The following POLR3B variants were observed in gnomAD, a reference collection of about 807,000 sequenced individuals.
POLR3B encodes DNA-directed RNA polymerase III subunit RPC2.
A neutral mutation model predicts 147.4 loss-of-function variants in POLR3B; 96 were observed. The ratio of observed to expected loss-of-function variants is 0.65; its 90% CI spans 0.55 to 0.77. POLR3B has a LOEUF of 0.77. Ranked by LOEUF, POLR3B falls within the 30% of genes least tolerant of loss-of-function variation. The pLI, the probability that POLR3B is intolerant of heterozygous loss-of-function variation, is 0.00. For synonymous variants in POLR3B, 461 were observed against 485.9 expected, an observed-to-expected ratio of 0.95 and a Z score of 0.67; for missense variants, 1,036 against 1,413.5, an observed-to-expected ratio of 0.73 and a Z score of 4.28.
intron 23 of POLR3B, 150 bp downstream of exon 23, chr12:106,463,770 C>A: frequency 1.4e-6 from 1 of 707,078 alleles, no homozygotes; most frequent in Non-Finnish European, 2.4e-6. Context: ...CTTAGATTAA[C>A]CTGTTTATAT....
At chr12:106,440,567 C>CT (rs1039301361) in intron 18 of POLR3B, among the ~76,000 whole-genome samples, 14 of 152,178 alleles carry the variant, frequency 9.2e-5, no homozygotes, top group African/African-American at 3.4e-4. Flanking sequence ...CACCTTTGCA[C>CT]TGGCTGCTTC....
chr12:106,441,516 G>A (rs2037650973), intron 18 of POLR3B, among the ~76,000 whole-genome samples: 1 of 152,106 alleles, frequency 6.6e-6, no homozygotes, highest in South Asian at 2.1e-4. Context: ...CAAAGAAAAG[G>A]TATAGTAAAA....
chr12:106,380,004 G>A (rs925784056), intron 8 of POLR3B, 27 bp from the exon 9 acceptor site: 2 of 1,435,926 alleles, frequency 1.4e-6, no homozygotes, highest in African/African-American at 2.8e-5. Context: ...TGGGGATGCA[G>A]TTTAACCAAC....
At chr12:106,399,838 G>T (rs1263268978) in intron 10 of POLR3B, among the ~76,000 whole-genome samples, 1 of 152,148 alleles carries the variant, frequency 6.6e-6, no homozygotes, top group African/African-American at 2.4e-5. Flanking sequence ...CACTAAACTT[G>T]GAAAGGAACA....
chr12:106,374,920 C>T (rs986570360), intron 6 of POLR3B, among the ~76,000 whole-genome samples: 4 of 152,172 alleles, frequency 2.6e-5, no homozygotes, highest in Non-Finnish European at 4.4e-5. Flanking sequence ...CTTTGCTCAC[C>T]ATACATTTTT....
rs567939889 is a variant in POLR3B at position 106,436,218 on chromosome 12, G to A, written c.1782-839G>A. 5.9e-5 allele frequency among the ~76,000 whole-genome samples: 9 copies of A among 152,286 alleles called. No individual in the cohort carries two copies. In the South Asian group the frequency reaches 1.2e-3, roughly 21 times the overall value. ...AGTTATTTGGACTTTAGGGTAGAGCGCACAAGTGTCTGGTGGTTACTTGCT... is the reference window on the plus strand; with the variant it reads ...AGTTATTTGGACTTTAGGGTAGAGCACACAAGTGTCTGGTGGTTACTTGCT... On this transcript the variant is annotated intron_variant, in intron 16 of 27. Transcript: ENST00000228347.
intron 23 of POLR3B, among the ~76,000 whole-genome samples, chr12:106,490,780 C>T (rs2038397060): frequency 6.6e-6 from 1 of 152,218 alleles, no homozygotes; most frequent in African/African-American, 2.4e-5. Context: ...TATAAAGGCT[C>T]ATTGAGATGA....
intron 27 of POLR3B, among the ~76,000 whole-genome samples, chr12:106,507,185 C>T (rs1192287626): frequency 6.6e-6 from 1 of 152,096 alleles, no homozygotes; most frequent in Non-Finnish European, 1.5e-5. Flanking sequence ...AGTCATTTCT[C>T]GTGTGAAGCC....
chr12:106,454,571 C>G lies in POLR3B; in HGVS notation c.2153C>G (p.Pro718Arg). The G allele has an allele frequency of 6.2e-7, 1 of 1,609,962 alleles. No individual in the cohort carries two copies. ...TATCTACTAGCATATCCACAAAAACCCATGGTTAAGACAAAAACCATTGAA... is the reference window on the plus strand; with the variant it reads ...TATCTACTAGCATATCCACAAAAACGCATGGTTAAGACAAAAACCATTGAA... ...LMYLLAYPQKPMVKTKTIELI... is the reference protein window; with the variant it reads ...LMYLLAYPQKRMVKTKTIELI... The change falls in exon 20 of 28, where the codon CCC becomes CGC. Residue 718 changes from proline (P) to arginine (R), a missense_variant. Transcript: ENST00000228347.
intron 21 of POLR3B, among the ~76,000 whole-genome samples, chr12:106,458,619 G>A (rs915890147): frequency 6.6e-6 from 1 of 152,076 alleles, no homozygotes; most frequent in Non-Finnish European, 1.5e-5. Flanking sequence ...GCCTGTGGGC[G>A]GTGAATGCTT....
At chr12:106,387,693 T>C (rs1233920891) in intron 9 of POLR3B, among the ~76,000 whole-genome samples, 1 of 152,084 alleles carries the variant, frequency 6.6e-6, no homozygotes, top group Non-Finnish European at 1.5e-5. Flanking sequence ...CAGCATAGAG[T>C]ATTGGATATC....
intron 1 of POLR3B, among the ~76,000 whole-genome samples, chr12:106,363,220 C>T (rs2036491657): frequency 6.6e-6 from 1 of 152,214 alleles, no homozygotes; most frequent in South Asian, 2.1e-4. Flanking sequence ...TATCTCCAGG[C>T]CACTCCATTC....
chr12:106,445,411 G>A (rs1849297569), intron 19 of POLR3B, among the ~76,000 whole-genome samples: 1 of 152,106 alleles, frequency 6.6e-6, no homozygotes, highest in African/African-American at 2.4e-5. Flanking sequence ...GCTGAGTCTT[G>A]GAAGACTGAG....
At chr12:106,469,604 T>A (rs536234862) in intron 23 of POLR3B, among the ~76,000 whole-genome samples, 4 of 152,194 alleles carry the variant, frequency 2.6e-5, no homozygotes, top group Non-Finnish European at 5.9e-5. Context: ...TTCCTTTCCA[T>A]GTTTAGTGCT....
At chr12:106,386,322 GAC>G (rs1289791512) in intron 9 of POLR3B, among the ~76,000 whole-genome samples, 1 of 143,702 alleles carries the variant, frequency 7.0e-6, no homozygotes. Flanking sequence ...CAGCCTGGGT[GAC>G]AGAGGGAGAC....
intron 18 of POLR3B, 96 bp downstream of exon 18, chr12:106,437,875 T>C: frequency 1.3e-6 from 1 of 752,720 alleles, no homozygotes; most frequent in South Asian, 1.5e-5. Flanking sequence ...TATCTTTTAC[T>C]CTTTTGACAG....
chr12:106,477,777 G>A (rs762989278), intron 23 of POLR3B, among the ~76,000 whole-genome samples: 2 of 151,890 alleles, frequency 1.3e-5, no homozygotes, highest in Admixed American at 6.6e-5. Context: ...ACTCCCTACT[G>A]AGATGAACCC....
chr12:106,364,258 G>C (rs888050946), intron 2 of POLR3B, among the ~76,000 whole-genome samples: 2 of 152,228 alleles, frequency 1.3e-5, no homozygotes, highest in Non-Finnish European at 2.9e-5. Flanking sequence ...TGCAGAGAGC[G>C]TGGCTCAATC....
chr12:106,486,181 C>G (rs772666996), intron 23 of POLR3B, among the ~76,000 whole-genome samples: 1 of 146,998 alleles, frequency 6.8e-6, no homozygotes, highest in South Asian at 2.2e-4. Context: ...CCCAGCTACT[C>G]GGGAGACTGA....
Sources: gnomAD v4.1 joint callset for allele counts (sites outside exome capture counted in the v4.1 genomes callset) on GRCh38, gnomAD v4.1.1 for gene constraint, MANE v1.5 for transcripts, NCBI Gene and HGNC (gene_info 2026-07-23, HGNC 2026-07-21) for gene names.